Variants in ARHGAP32 observed in about 807,000 individuals in gnomAD.
ARHGAP32 encodes the protein rho GTPase-activating protein 32.
ARHGAP32 carries 51 observed loss-of-function variants against 186.5 expected under a neutral mutation model. The observed-to-expected ratio is 0.27, with a 90% CI of 0.22 to 0.35. The LOEUF is 0.35. Among genes scored for constraint, ARHGAP32 ranks in the 10% least tolerant of loss-of-function variants. The pLI is 1.00. For synonymous variants in ARHGAP32, 950 were observed against 964.3 expected, an observed-to-expected ratio of 0.99 and a Z score of 0.27; for missense variants, 2,186 against 2,623.5, an observed-to-expected ratio of 0.83 and a Z score of 3.64.
At chr11:128,990,678 T>C (rs1252348398) in intron 12 of ARHGAP32, among the ~76,000 whole-genome samples, 1 of 152,188 alleles carries the variant, frequency 6.6e-6, no homozygotes, top group African/African-American at 2.4e-5. Context: ...ATATGCAAAA[T>C]ACATAGCATC....
intron 1 of ARHGAP32, among the ~76,000 whole-genome samples, chr11:129,233,313 G>C (rs1235411444): frequency 6.6e-6 from 1 of 152,000 alleles, no homozygotes; most frequent in Non-Finnish European, 1.5e-5. Flanking sequence ...TAAGTGGGGG[G>C]TACATAGGAG....
intron 10 of ARHGAP32, among the ~76,000 whole-genome samples, chr11:129,052,854 T>A (rs551859097): frequency 6.6e-6 from 1 of 152,260 alleles, no homozygotes; most frequent in African/African-American, 2.4e-5. Context: ...TGAAAGTGTA[T>A]ATTAATGGAA....
intron 11 of ARHGAP32, among the ~76,000 whole-genome samples, chr11:129,024,700 A>G (rs1227188517): frequency 6.6e-6 from 1 of 152,190 alleles, no homozygotes; most frequent in Non-Finnish European, 1.5e-5. Flanking sequence ...TTTCCCAAGT[A>G]CAACCTTCTC....
Position 129,192,131 on chromosome 11 carries a change from A to AT in ARHGAP32, c.67dup (p.Ile23AsnfsTer6). On this transcript the variant is annotated frameshift_variant, in exon 1 of 23. Transcript: ENST00000682385. LOFTEE classifies it high-confidence loss of function. ...CTCTTCACAGTCAGTCACCTGGATT[A>AT]TAACTTCAGACTCCAACCAGAAGAC... 2 of 1,613,904 alleles carry AT rather than the reference A, an allele frequency of 1.2e-6. No homozygotes were observed. Among genetic ancestry groups the AT allele is most frequent in the Non-Finnish European group, 1.7e-6 (2 of 1,179,830 alleles).
At position 129,021,307 on chromosome 11, in the gene ARHGAP32, A is replaced by T. The variant is rs1270446879; in HGVS notation, c.1045+19621T>A. Among the ~76,000 whole-genome samples the T allele has an allele frequency of 2.6e-5, 4 of 152,066 alleles. 1 individual carries two copies. The highest frequency in any genetic ancestry group is 2.6e-4 in the Admixed American group (4 of 15,258). On this transcript the variant is annotated intron_variant, in intron 11 of 22. Transcript: ENST00000682385. ...ATTCACTGAGAGAAAGAGAGCAGAA[A>T]ATGGGCCACAAACTGCTTCTTCAGA...
chr11:128,972,884 T>G lies in ARHGAP32; in HGVS notation c.3622A>C (p.Thr1208Pro). 1 of 1,614,018 alleles carries G rather than the reference T, an allele frequency of 6.2e-7. No homozygotes were observed. Among genetic ancestry groups the G allele is most frequent in the Non-Finnish European group, 8.5e-7 (1 of 1,180,018 alleles). ...TGGTCCTGATCCAAGAAGGAGACAG[T>G]TGGCATACTGTTCTTCCCAGACTGG... The part of the protein sequence containing the change: ...EDQSGKNSMP[T>P]VSFLDQDQSP... Residue 1208 changes from threonine to proline, a missense_variant, in exon 22 of 23, where the codon ACT (threonine) becomes CCT (proline). Thr to Pro is a conservative substitution (Grantham distance 38). Transcript: ENST00000682385.
chr11:129,017,551 T>C (rs1938412663), intron 11 of ARHGAP32, among the ~76,000 whole-genome samples: 1 of 152,162 alleles, frequency 6.6e-6, no homozygotes, highest in Non-Finnish European at 1.5e-5. Context: ...CACTTAGTGC[T>C]AGACAGAAAA....
intron 11 of ARHGAP32, among the ~76,000 whole-genome samples, chr11:129,040,715 G>A (rs781427594): frequency 1.9e-4 from 29 of 152,046 alleles, no homozygotes; most frequent in Non-Finnish European, 4.3e-4. Context: ...TGGAGCAATT[G>A]CCTAAAAATT....
intron 1 of ARHGAP32, among the ~76,000 whole-genome samples, chr11:129,268,810 G>A (rs1945439110): frequency 6.6e-6 from 1 of 151,776 alleles, no homozygotes; most frequent in South Asian, 2.1e-4. Flanking sequence ...CTACCAGCTG[G>A]ATCCTGTGAC....
chr11:129,046,632 T>G (rs942914209), intron 10 of ARHGAP32, among the ~76,000 whole-genome samples: 1 of 152,146 alleles, frequency 6.6e-6, no homozygotes, highest in Non-Finnish European at 1.5e-5. Context: ...CTAAAGTGAG[T>G]GTATGTGCTG....
intron 10 of ARHGAP32, among the ~76,000 whole-genome samples, chr11:129,045,944 C>A (rs1939788621): frequency 1.3e-5 from 2 of 152,122 alleles, no homozygotes; most frequent in African/African-American, 2.4e-5. Context: ...TAGGAATGGT[C>A]TTGAAAAGAG....
intron 6 of ARHGAP32, among the ~76,000 whole-genome samples, chr11:129,085,916 C>T (rs1941373871): frequency 1.3e-5 from 2 of 151,718 alleles, no homozygotes; most frequent in Admixed American, 6.6e-5. Context: ...AAGGCGTGAA[C>T]CCGGGAGGCA....
chr11:128,979,572 T>C (rs1945652315), intron 18 of ARHGAP32, among the ~76,000 whole-genome samples: 1 of 152,286 alleles, frequency 6.6e-6, no homozygotes, highest in South Asian at 2.1e-4. Flanking sequence ...AAATAAATCT[T>C]TGAGTAAATT....
chr11:128,967,930 T>C lies in ARHGAP32; in HGVS notation c.*977A>G, dbSNP rs1317488700. 6.6e-6 allele frequency: 1 copy of C among 150,628 alleles called. No homozygotes were observed. The highest frequency in any genetic ancestry group is 2.4e-5 in the African/African-American group (1 of 41,008). 9.3% of individuals were successfully genotyped at this position (150,628 alleles called of 1,614,324 possible). ...CCAGTCAAACCATGCTGGGCTTTTT[T>C]TTTTTTTTTTTTTTTTAATGAAAGA... On this transcript the variant is annotated 3_prime_UTR_variant, in exon 23 of 23. Coordinates refer to ENST00000682385, the MANE Select transcript of ARHGAP32 (RefSeq NM_001378024.1).
rs146542234 is a variant in ARHGAP32, at chr11:129,231,232, G to A, written c.-5+47914C>T. The stretch of plus-strand genomic sequence containing the variant: ...AATATTTACTGTTTGTTATTGTTAC[G>A]GTTTTCTATTGAGACATCCTGCCCT... On this transcript the variant is annotated intron_variant, in intron 1 of 6. Transcript: ENST00000525234. Among the ~76,000 whole-genome samples, 18 of 152,116 alleles carry A rather than the reference G, an allele frequency of 1.2e-4. No homozygotes were observed. The South Asian group carries it at 1.5e-3, about 12-fold the overall frequency.
intron 2 of ARHGAP32, among the ~76,000 whole-genome samples, chr11:129,139,395 T>C (rs1164599734): frequency 6.6e-6 from 1 of 152,180 alleles, no homozygotes; most frequent in Non-Finnish European, 1.5e-5. Context: ...CCCTGCCCAA[T>C]CGATTTTATG....
At chr11:129,258,752 C>T (rs1371595280) in intron 1 of ARHGAP32, among the ~76,000 whole-genome samples, 3 of 152,170 alleles carry the variant, frequency 2.0e-5, no homozygotes, top group African/African-American at 4.8e-5. Context: ...TTTCACAGGA[C>T]TATGATGAAC....
chr11:129,187,489 A>C (rs1366790001), intron 1 of ARHGAP32, among the ~76,000 whole-genome samples: 1 of 152,170 alleles, frequency 6.6e-6, no homozygotes, highest in African/African-American at 2.4e-5. Flanking sequence ...AGTCAATAAT[A>C]ATTTAATTGT....
chr11:129,124,311 C>G (rs1459747785), intron 3 of ARHGAP32, among the ~76,000 whole-genome samples: 1 of 152,086 alleles, frequency 6.6e-6, no homozygotes, highest in Non-Finnish European at 1.5e-5. Context: ...TGAAATTTCC[C>G]ATTTGTGCTG....
Sources: gnomAD v4.1 joint callset for allele counts (sites outside exome capture counted in the v4.1 genomes callset) on GRCh38, gnomAD v4.1.1 for gene constraint, MANE v1.5 for transcripts, NCBI Gene and HGNC (gene_info 2026-07-23, HGNC 2026-07-21) for gene names.